The following CFAP61 variants were observed in gnomAD, a reference collection of about 807,000 sequenced individuals.
The protein encoded by CFAP61 is cilia- and flagella-associated protein 61.
In CFAP61, 107 loss-of-function variants were observed where a neutral mutation model predicts 135.6. The ratio of observed to expected loss-of-function variants is 0.79; its 90% CI spans 0.67 to 0.93. The LOEUF is 0.93. Among genes scored for constraint, CFAP61 ranks in the 40% least tolerant of loss-of-function variants. The pLI, the probability that CFAP61 is intolerant of heterozygous loss-of-function variation, is 0.00. For missense variants in CFAP61, 1,507 were observed against 1,556.2 expected (o/e 0.97, Z 0.53); for synonymous variants, 575 against 578.5 (o/e 0.99, Z 0.09).
chr20:20,075,622 T>TG lies in CFAP61; in HGVS notation c.566+7_566+8insG. ...TGCACGTTCGCAAAGCCAGGTACAG[T>TG]TGGAGTCATGCCTTGTGTGACCTAA... On this transcript the variant is annotated splice_region_variant and intron_variant, in intron 6 of 26. Transcript: ENST00000245957. The TG allele has an allele frequency of 6.2e-7, 1 of 1,613,850 alleles. No homozygotes were observed. Among genetic ancestry groups the TG allele is most frequent in the East Asian group, 2.2e-5 (1 of 44,870 alleles).
intron 8 of CFAP61, among the ~76,000 whole-genome samples, chr20:20,115,727 A>G (rs1316741340): frequency 6.6e-6 from 1 of 152,160 alleles, no homozygotes; most frequent in East Asian, 1.9e-4. Context: ...ACTTAGCATA[A>G]TGGGGGCATC....
At chr20:20,083,285 A>G (rs2046558930) in intron 6 of CFAP61, among the ~76,000 whole-genome samples, 1 of 152,066 alleles carries the variant, frequency 6.6e-6, no homozygotes, top group Non-Finnish European at 1.5e-5. Context: ...AGTGGGAGCT[A>G]AGCTATGAGG....
At position 20,068,660 on chromosome 20, in the gene CFAP61, C is replaced by T. The variant is rs551693320; in HGVS notation, c.144-2194C>T. 7.2e-5 allele frequency among the ~76,000 whole-genome samples: 11 copies of T among 152,304 alleles called. No individual in the cohort carries two copies. The South Asian group carries it at 1.0e-3, about 14-fold the overall frequency. Reference sequence around the variant, plus strand: ...CAGCACAATGTTTCCCAAAGACGCCCGTACATCCGGTGGTACCCAGGGGGA... The same window carrying T: ...CAGCACAATGTTTCCCAAAGACGCCTGTACATCCGGTGGTACCCAGGGGGA... On this transcript the variant is annotated intron_variant, in intron 2 of 26. Coordinates refer to ENST00000245957, the MANE Select transcript of CFAP61 (RefSeq NM_015585.4).
intron 25 of CFAP61, among the ~76,000 whole-genome samples, chr20:20,303,589 C>T (rs555078451): frequency 1.5e-4 from 23 of 152,182 alleles, no homozygotes; most frequent in Non-Finnish European, 2.8e-4. Flanking sequence ...CTAATTTTTG[C>T]GCCAGCACTC....
chr20:20,210,004 G>A (rs1468015139), intron 17 of CFAP61, among the ~76,000 whole-genome samples: 1 of 152,134 alleles, frequency 6.6e-6, no homozygotes, highest in Non-Finnish European at 1.5e-5. Flanking sequence ...GTGTGGCCTT[G>A]TGTTCCCTGG....
Position 20,337,330 on chromosome 20 carries a change from A to G in CFAP61, c.3423-4501A>G, listed in dbSNP as rs1461916497. ...GATGGATGGATGGATGGATGGATGG[A>G]TGGATGGATAGATGGGTGGGTGGGT... is the stretch of plus-strand genomic sequence containing the variant. On this transcript the variant is annotated intron_variant, in intron 25 of 26. Coordinates refer to ENST00000245957, the MANE Select transcript of CFAP61 (RefSeq NM_015585.4). 1.5e-3 allele frequency among the ~76,000 whole-genome samples: 145 copies of G among 99,626 alleles called. 13 individuals carry two copies. The highest frequency in any genetic ancestry group is 6.4e-3 in the East Asian group (12 of 1,882). The allele number at this position is 99,626 out of a possible 152,430, so 65.4% of individuals were successfully genotyped here. A position where few individuals can be genotyped will look rare whatever the true frequency, so the allele number is the denominator to read the frequency against.
chr20:20,053,280 A>G (rs2043915637), intron 1 of CFAP61, among the ~76,000 whole-genome samples: 1 of 152,230 alleles, frequency 6.6e-6, no homozygotes, highest in South Asian at 2.1e-4. Flanking sequence ...TCACAACAAA[A>G]TTAAGTGGAA....
intron 24 of CFAP61, among the ~76,000 whole-genome samples, chr20:20,294,609 T>C (rs1225378679): frequency 1.3e-5 from 2 of 152,120 alleles, no homozygotes; most frequent in Non-Finnish European, 2.9e-5. Flanking sequence ...GGCCAAAATA[T>C]GATAATGCAG....
At chr20:20,075,686 CT>C in intron 6 of CFAP61, 71 bp downstream of exon 6, 2 of 1,544,068 alleles carry the variant, frequency 1.3e-6, no homozygotes, top group South Asian at 2.3e-5. Flanking sequence ...ACTCTTTAAA[CT>C]ACCAATGCTA....
In CFAP61 at chr20:20,090,864, T is replaced by C. The variant is rs112751446; in HGVS notation, c.587T>C (p.Leu196Pro). The part of the protein sequence containing the change: ...RKARVEDHDD[L>P]MPIFMRYDTI... The stretch of plus-strand genomic sequence containing the variant: ...AACAGGGTGGAAGACCATGACGATC[T>C]CATGCCAATATTTATGCGCTATGAC... Residue 196 changes from leucine (L) to proline (P), a missense_variant, in exon 7 of 27, where the codon CTC (leucine) becomes CCC (proline). Leu to Pro is a moderately conservative substitution (Grantham distance 98). Transcript: ENST00000245957. The C allele has an allele frequency of 1.2e-6, 2 of 1,613,994 alleles. No individual in the cohort carries two copies. Among genetic ancestry groups the C allele is most frequent in the African/African-American group, 1.3e-5 (1 of 74,892 alleles).
intron 16 of CFAP61, 48 bp downstream of exon 16, chr20:20,196,824 T>G: frequency 6.8e-7 from 1 of 1,473,058 alleles, no homozygotes; most frequent in Admixed American, 1.7e-5. Flanking sequence ...ACGTTCACAG[T>G]GTTGTTGGTG....
At chr20:20,232,390 AAAGAAG>A (rs146407925) in intron 18 of CFAP61, among the ~76,000 whole-genome samples, 1 of 151,882 alleles carries the variant, frequency 6.6e-6, no homozygotes, top group Non-Finnish European at 1.5e-5. Flanking sequence ...TAGAAAAAAA[AAAGAAG>A]AAGAAGAAGA....
At chr20:20,199,180 C>T (rs1367986356) in intron 16 of CFAP61, among the ~76,000 whole-genome samples, 1 of 152,170 alleles carries the variant, frequency 6.6e-6, no homozygotes, top group Non-Finnish European at 1.5e-5. Context: ...ATAATATGAT[C>T]TACTTCTCCC....
chr20:20,323,222 G>A, intron 25 of CFAP61: 1 of 985,418 alleles, frequency 1.0e-6, no homozygotes, highest in Non-Finnish European at 1.2e-6. Context: ...TTCAGCATGG[G>A]CATGAAAGGC....
Position 20,360,596 on chromosome 20 carries a change from C to A in CFAP61, c.*186C>A. ...TATCATCCCAGTAGGTGGCACACGGCCGTGTGCCTCTCTTCTGGGGCAGGC... is the reference window on the plus strand; with the variant it reads ...TATCATCCCAGTAGGTGGCACACGGACGTGTGCCTCTCTTCTGGGGCAGGC... On this transcript the variant is annotated 3_prime_UTR_variant, in exon 27 of 27. Coordinates refer to ENST00000245957, the MANE Select transcript of CFAP61 (RefSeq NM_015585.4). 1.7e-6 allele frequency: 1 copy of A among 597,946 alleles called. No homozygotes were observed. Among genetic ancestry groups the A allele is most frequent in the Non-Finnish European group, 2.9e-6 (1 of 339,588 alleles). 37.0% of individuals were successfully genotyped at this position (597,946 alleles called of 1,614,324 possible). A position where few individuals can be genotyped will look rare whatever the true frequency, so the allele number is the denominator to read the frequency against.
At chr20:20,189,866 C>G (rs1041326326) in intron 14 of CFAP61, among the ~76,000 whole-genome samples, 1 of 152,222 alleles carries the variant, frequency 6.6e-6, no homozygotes, top group African/African-American at 2.4e-5. Context: ...GCGACCTTGG[C>G]TCACTGCAAC....
chr20:20,108,360 A>G (rs2048555705), intron 8 of CFAP61, among the ~76,000 whole-genome samples: 1 of 152,326 alleles, frequency 6.6e-6, no homozygotes, highest in South Asian at 2.1e-4. Flanking sequence ...TCATAATACT[A>G]AAAATGAACA....
At chr20:20,123,993 T>TC (rs55954141) in intron 8 of CFAP61, among the ~76,000 whole-genome samples, 12 of 138,298 alleles carry the variant, frequency 8.7e-5, no homozygotes, top group Non-Finnish European at 1.8e-4. Context: ...TTTTTTTTTT[T>TC]GCATGCTATT....
chr20:20,237,752 A>G (rs1054873908), intron 18 of CFAP61, among the ~76,000 whole-genome samples: 3 of 152,224 alleles, frequency 2.0e-5, no homozygotes, highest in Non-Finnish European at 2.9e-5. Context: ...TTTTACAGTT[A>G]GTTGGTTTGG....
Sources: gnomAD v4.1 joint callset for allele counts (sites outside exome capture counted in the v4.1 genomes callset) on GRCh38, gnomAD v4.1.1 for gene constraint, MANE v1.5 for transcripts, NCBI Gene and HGNC (gene_info 2026-07-23, HGNC 2026-07-21) for gene names.